Variants in MTHFD1L observed in about 807,000 individuals in gnomAD.
MTHFD1L encodes monofunctional C1-tetrahydrofolate synthase, mitochondrial.
A neutral mutation model predicts 119.5 loss-of-function variants in MTHFD1L; 81 were observed. The ratio of observed to expected loss-of-function variants is 0.68; its 90% CI spans 0.57 to 0.82. The LOEUF (loss-of-function observed/expected upper bound fraction) is 0.82, where lower values mean the gene tolerates loss of function less well. Among genes scored for constraint, MTHFD1L ranks in the 40% least tolerant of loss-of-function variants. The pLI, the probability that MTHFD1L is intolerant of heterozygous loss-of-function variation, is 0.00. For synonymous variants in MTHFD1L, 430 were observed against 475.2 expected, an observed-to-expected ratio of 0.90 and a Z score of 1.24; for missense variants, 1,125 against 1,253.4, an observed-to-expected ratio of 0.90 and a Z score of 1.55.
At chr6:150,942,052 A>G (rs1370840380) in intron 13 of MTHFD1L, among the ~76,000 whole-genome samples, 1 of 152,178 alleles carries the variant, frequency 6.6e-6, no homozygotes, top group Non-Finnish European at 1.5e-5. Context: ...TGAGGTCAGG[A>G]GTTTGAGACC....
At chr6:150,901,641 A>T (rs1785117382) in intron 7 of MTHFD1L, among the ~76,000 whole-genome samples, 1 of 152,212 alleles carries the variant, frequency 6.6e-6, no homozygotes, top group African/African-American at 2.4e-5. Context: ...TCAGTGTGGT[A>T]GAGCCCCCTC....
At position 150,926,175 on chromosome 6, in the gene MTHFD1L, A is replaced by C. The variant is rs145541103; in HGVS notation, c.1136A>C (p.Lys379Thr). The change falls in exon 11 of 28, where the codon AAG becomes ACG. Residue 379 changes from lysine to threonine, a missense_variant. Coordinates refer to ENST00000367321, the MANE Select transcript of MTHFD1L (RefSeq NM_015440.5). This position sits in a 1 kb window ranked among gnomAD's most constrained non-coding sequence, Gnocchi z 4.3. ...QTPKAVDVLA[K>T]EIGLLADEIE... ...CCAAAAGCTGTGGATGTCCTTGCCAAGGAGATTGGATTGCTTGCAGATGAA... is the reference window on the plus strand; with the variant it reads ...CCAAAAGCTGTGGATGTCCTTGCCACGGAGATTGGATTGCTTGCAGATGAA... The C allele has an allele frequency of 1.9e-6, 3 of 1,614,006 alleles. No homozygotes were observed. Among genetic ancestry groups the C allele is most frequent in the Non-Finnish European group, 2.5e-6 (3 of 1,180,004 alleles).
At chr6:151,049,523 G>A (rs1014258456) in intron 26 of MTHFD1L, among the ~76,000 whole-genome samples, 15 of 150,962 alleles carry the variant, frequency 9.9e-5, no homozygotes, top group African/African-American at 3.4e-4. Context: ...TTAGCTGGGT[G>A]TGGTGGCGGG....
Position 150,910,268 on chromosome 6 carries a change from T to TA in MTHFD1L, c.892+4515dup, listed in dbSNP as rs569592927. 3.5e-3 allele frequency among the ~76,000 whole-genome samples: 527 copies of TA among 151,174 alleles called. 3 individuals carry two copies. The highest frequency in any genetic ancestry group is 0.012 in the African/African-American group (513 of 41,254). ...CTCAAGGACAAGGGAGCTGTTTTTG[T>TA]AAAAAAAATTCTTGGCCGGATGCGG... is the stretch of plus-strand genomic sequence containing the variant. On this transcript the variant is annotated intron_variant, in intron 8 of 27. Transcript: ENST00000367321.
intron 20 of MTHFD1L, among the ~76,000 whole-genome samples, chr6:151,003,186 G>T (rs1476880085): frequency 1.3e-5 from 2 of 152,078 alleles, no homozygotes; most frequent in Non-Finnish European, 2.9e-5. Context: ...AATTTTGAAA[G>T]TACCAAACAG....
At position 151,034,507 on chromosome 6, in the gene MTHFD1L, C is replaced by A; in HGVS notation, c.2601C>A (p.Asp867Glu). ...FLYDVQVPIV[D>E]KIRTIAQAVY... Reference sequence around the variant, plus strand: ...TGTTTCTCCAGGTTCCAATTGTGGACAAGATAAGGACCATTGCTCAGGCTG... The same window carrying A: ...TGTTTCTCCAGGTTCCAATTGTGGAAAAGATAAGGACCATTGCTCAGGCTG... The change falls in exon 25 of 28, where the codon GAC becomes GAA. Residue 867 changes from aspartate (D) to glutamate (E), a missense_variant. By Grantham distance (45) the Asp-to-Glu change is conservative. Around this residue, in one of 3 missense-constraint regions of MTHFD1L, gnomAD observed 1,058 missense variants for 1,151.2 expected, o/e 0.92. Coordinates refer to ENST00000367321, the MANE Select transcript of MTHFD1L (RefSeq NM_015440.5). The A allele has an allele frequency of 6.2e-7, 1 of 1,609,896 alleles. No homozygotes were observed. The highest frequency in any genetic ancestry group is 1.1e-5 in the South Asian group (1 of 90,916).
intron 2 of MTHFD1L, 131 bp from the exon 3 acceptor site, chr6:150,877,503 G>A (rs1212445618): frequency 1.0e-6 from 1 of 994,998 alleles, no homozygotes; most frequent in African/African-American, 1.6e-5. Flanking sequence ...TAAGCAGCAA[G>A]ATTGTTTTTC....
rs180770258 is a variant in MTHFD1L, at chr6:150,917,657, A to G, written c.893-920A>G. Reference sequence around the variant, plus strand: ...AGCCTTACTTTCATGTTAATAGTTTAAACTACATACTATATGCCAAGAACT... The same window carrying G: ...AGCCTTACTTTCATGTTAATAGTTTGAACTACATACTATATGCCAAGAACT... On this transcript the variant is annotated intron_variant, in intron 8 of 27. Transcript: ENST00000367321. Among the ~76,000 whole-genome samples, 493 of 152,334 alleles carry G rather than the reference A, an allele frequency of 3.2e-3. 1 individual carries two copies. The highest frequency in any genetic ancestry group is 4.4e-3 in the Non-Finnish European group (301 of 68,038).
In MTHFD1L at chr6:151,014,932, T is replaced by C; in HGVS notation, c.2360T>C (p.Ile787Thr). 6.2e-7 allele frequency: 1 copy of C among 1,614,128 alleles called. No individual in the cohort carries two copies. The highest frequency in any genetic ancestry group is 1.1e-5 in the South Asian group (1 of 91,080). ...GCCNLQKQIQ[I>T]TQLFGVPVVV... ...TGTAACCTCCAGAAGCAAATTCAGA[T>C]CACTCAGCTCTTTGGGGTTCCCGTT... The change falls in exon 23 of 28, where the codon ATC becomes ACC. Residue 787 changes from isoleucine (I) to threonine (T), a missense_variant. Around this residue, in one of 3 missense-constraint regions of MTHFD1L, gnomAD observed 1,058 missense variants for 1,151.2 expected, o/e 0.92. Transcript: ENST00000367321.
chr6:150,887,877 G>A lies in MTHFD1L; in HGVS notation c.676G>A (p.Val226Met), dbSNP rs1782576087. 1.2e-6 allele frequency: 2 copies of A among 1,606,678 alleles called. No individual in the cohort carries two copies. The highest frequency in any genetic ancestry group is 1.1e-5 in the South Asian group (1 of 89,074). Residue 226 changes from valine (V) to methionine (M), a missense_variant, in exon 7 of 28, where the codon GTG becomes ATG. Physicochemically the swap from Val to Met is conservative, Grantham distance 21. Coordinates refer to ENST00000367321, the MANE Select transcript of MTHFD1L (RefSeq NM_015440.5). ...VNLDGKKILV[V>M]GAHGSLEAAL... ...CCTAGATGGAAAGAAGATTTTGGTAGTGGGGGCCCATGGGTCTTTGGAAGC... is the reference window on the plus strand; with the variant it reads ...CCTAGATGGAAAGAAGATTTTGGTAATGGGGGCCCATGGGTCTTTGGAAGC...
At position 151,015,538 on chromosome 6, in the gene MTHFD1L, G is replaced by A; in HGVS notation, c.2431G>A (p.Asp811Asn). 6.2e-7 allele frequency: 1 copy of A among 1,613,600 alleles called. No individual in the cohort carries two copies. Among genetic ancestry groups the A allele is most frequent in the East Asian group, 2.2e-5 (1 of 44,880 alleles). ...VFKTDTRAEI[D>N]LVCELAKRAG... Reference sequence around the variant, plus strand: ...TAGGACCGACACCCGCGCTGAGATTGACTTGGTGTGTGAGCTTGCAAAGCG... The same window carrying A: ...TAGGACCGACACCCGCGCTGAGATTAACTTGGTGTGTGAGCTTGCAAAGCG... Residue 811 changes from aspartate (D) to asparagine (N), a missense_variant, in exon 24 of 28, where the codon GAC (aspartate) becomes AAC (asparagine). Transcript: ENST00000367321.
At chr6:150,866,292 TCC>T in intron 1 of MTHFD1L, 1 of 1,472,680 alleles carries the variant, frequency 6.8e-7, no homozygotes, top group South Asian at 1.3e-5. Flanking sequence ...CGTGGGCATC[TCC>T]AATGGGCGCC....
At chr6:151,092,421 G>A (rs111346946) in intron 26 of MTHFD1L, 46 bp from the exon 27 acceptor site, 33 of 1,481,862 alleles carry the variant, frequency 2.2e-5, no homozygotes, top group African/African-American at 4.2e-5. Context: ...TGTTGTGGCC[G>A]CTTTGTAGCA....
intron 26 of MTHFD1L, among the ~76,000 whole-genome samples, chr6:151,069,944 A>G (rs184705954): frequency 6.6e-6 from 1 of 152,308 alleles, no homozygotes; most frequent in Admixed American, 6.5e-5. Context: ...CGATGAGTAC[A>G]TGCTGCTTTT....
At chr6:150,890,243 T>C (rs1463479422) in intron 7 of MTHFD1L, among the ~76,000 whole-genome samples, 1 of 152,098 alleles carries the variant, frequency 6.6e-6, no homozygotes, top group Admixed American at 6.6e-5. Context: ...TATACAAAGG[T>C]GTGTTTACAA....
At chr6:150,873,705 G>A (rs533847060) in intron 1 of MTHFD1L, among the ~76,000 whole-genome samples, 1 of 152,178 alleles carries the variant, frequency 6.6e-6, no homozygotes, top group African/African-American at 2.4e-5. Flanking sequence ...GTCTCGCTCT[G>A]TCACCCAGCT....
intron 26 of MTHFD1L, among the ~76,000 whole-genome samples, chr6:151,088,611 C>T (rs1274280494): frequency 1.3e-5 from 2 of 150,152 alleles, no homozygotes; most frequent in East Asian, 3.9e-4. Context: ...TGCTCATTAC[C>T]ACACCCAGCT....
chr6:150,975,482 C>CAGT (rs1685340970), intron 20 of MTHFD1L, among the ~76,000 whole-genome samples: 1 of 152,306 alleles, frequency 6.6e-6, no homozygotes, highest in South Asian at 2.1e-4. Context: ...CTCTCATTCT[C>CAGT]AGTTAATATC....
intron 2 of MTHFD1L, 61 bp from the exon 3 acceptor site, chr6:150,877,573 A>T (rs1458720759): frequency 4.5e-6 from 7 of 1,550,020 alleles, no homozygotes; most frequent in Non-Finnish European, 6.2e-6. Flanking sequence ...TCATCTCTGG[A>T]TTATCTTTTG....
Sources: allele counts gnomAD v4.1 joint callset (sites outside exome capture counted in the v4.1 genomes callset), GRCh38; gene constraint gnomAD v4.1.1; regional missense constraint gnomAD v4.1.1; non-coding constraint Gnocchi (gnomAD v3.1); transcripts MANE v1.5; gene names NCBI Gene and HGNC (gene_info 2026-07-23, HGNC 2026-07-21).